Variants in MTMR8 observed in about 807,000 individuals in gnomAD.
MTMR8 encodes the protein myotubularin related protein 8, also known as phosphatidylinositol-3,5-bisphosphate 3-phosphatase MTMR8.
Under a neutral mutation model 39.3 loss-of-function variants are expected in MTMR8, and 65 were observed. The observed-to-expected ratio is 1.65, with a 90% confidence interval of 1.35 to 2.03. The LOEUF (loss-of-function observed/expected upper bound fraction) is 2.03. MTMR8 is among the 30% of genes most tolerant of loss of function. MTMR8 has a pLI of 0.00. For missense variants in MTMR8, 777 were observed against 538.9 expected (o/e 1.44, Z -4.37); for synonymous variants, 245 against 185.2 (o/e 1.32, Z -2.62).
chrX:64,357,918 T>C (rs764956736), intron 2 of MTMR8, among the ~76,000 whole-genome samples: 1 of 111,351 alleles, frequency 9.0e-6, no homozygotes, highest in Admixed American at 9.6e-5. Context: ...CTGGGAAGGG[T>C]CCAGGGAAGG....
At chrX:64,296,906 G>A (rs1378956294) in intron 12 of MTMR8, among the ~76,000 whole-genome samples, 2 of 103,184 alleles carry the variant, frequency 1.9e-5, no homozygotes, top group African/African-American at 7.1e-5. Context: ...CAAAGGACAT[G>A]AACTCATCAT....
intron 1 of MTMR8, among the ~76,000 whole-genome samples, chrX:64,364,274 G>A (rs1274890730): frequency 8.9e-6 from 1 of 112,528 alleles, no homozygotes; most frequent in Non-Finnish European, 1.9e-5. Context: ...AGAAAGGACG[G>A]AATGCATCTT....
intron 12 of MTMR8, among the ~76,000 whole-genome samples, chrX:64,290,267 A>C (rs975074732): frequency 9.0e-6 from 1 of 110,655 alleles, no homozygotes; most frequent in Non-Finnish European, 1.9e-5. Context: ...TTAAAAGTAA[A>C]TTACTAGCAG....
chrX:64,339,350 G>A (rs1458623700), intron 8 of MTMR8, among the ~76,000 whole-genome samples: 1 of 111,640 alleles, frequency 9.0e-6, no homozygotes, highest in Non-Finnish European at 1.9e-5. Context: ...GGTTCAAAGT[G>A]AAAAGGAGTG....
At chrX:64,391,131 C>T (rs934739190) in intron 1 of MTMR8, among the ~76,000 whole-genome samples, 2 of 112,436 alleles carry the variant, frequency 1.8e-5, no homozygotes, top group African/African-American at 6.5e-5. Flanking sequence ...CATTTCTAGA[C>T]TTATAAAGCT....
At chrX:64,394,546 A>T (rs1236825965) in intron 1 of MTMR8, among the ~76,000 whole-genome samples, 1 of 111,612 alleles carries the variant, frequency 9.0e-6, no homozygotes, top group Non-Finnish European at 1.9e-5. Flanking sequence ...CTAGTTGTGA[A>T]TTTTTCACTG....
At chrX:64,386,467 T>A (rs148690481) in intron 1 of MTMR8, among the ~76,000 whole-genome samples, 2 of 110,783 alleles carry the variant, frequency 1.8e-5, no homozygotes, top group Non-Finnish European at 1.9e-5. Flanking sequence ...ACTCTCAGAA[T>A]TCAGGGGGCA....
At chrX:64,367,656 C>A (rs974030903) in intron 1 of MTMR8, among the ~76,000 whole-genome samples, 6 of 111,958 alleles carry the variant, frequency 5.4e-5, no homozygotes, top group African/African-American at 1.9e-4. Context: ...CAATATCATA[C>A]TGAATGGGCA....
intron 12 of MTMR8, among the ~76,000 whole-genome samples, chrX:64,276,448 T>G (rs913929903): frequency 5.4e-5 from 6 of 111,827 alleles, no homozygotes; most frequent in Non-Finnish European, 9.4e-5. Context: ...CTCTAAACGC[T>G]GTGTCTTTGT....
intron 10 of MTMR8, among the ~76,000 whole-genome samples, chrX:64,334,025 C>T (rs778201265): frequency 1.3e-4 from 15 of 111,490 alleles, no homozygotes; most frequent in Non-Finnish European, 2.3e-4. Context: ...CTTGGCTCTT[C>T]TTCCTCTTTA....
At chrX:64,299,707 G>T (rs1284803795) in intron 12 of MTMR8, among the ~76,000 whole-genome samples, 11 of 99,285 alleles carry the variant, frequency 1.1e-4, no homozygotes, top group African/African-American at 4.1e-4. Context: ...GCTTTCTCTT[G>T]TGGGCATTTC....
At chrX:64,388,911 G>A (rs145377799) in intron 1 of MTMR8, among the ~76,000 whole-genome samples, 15 of 111,710 alleles carry the variant, frequency 1.3e-4, no homozygotes, top group African/African-American at 4.9e-4. Flanking sequence ...TATCTTGTGG[G>A]ACTAGTGTTC....
At chrX:64,269,230 T>C (rs1931701860) in intron 13 of MTMR8, among the ~76,000 whole-genome samples, 187 bp from the exon 14 acceptor site, 1 of 111,229 alleles carries the variant, frequency 9.0e-6, no homozygotes, top group African/African-American at 3.3e-5. Context: ...GCCCTACCAT[T>C]GAAGAATGTC....
intron 1 of MTMR8, among the ~76,000 whole-genome samples, chrX:64,377,036 A>T (rs1924290735): frequency 8.9e-6 from 1 of 112,269 alleles, no homozygotes; most frequent in East Asian, 2.8e-4. Context: ...CAGCTTCCAC[A>T]TGGTGTTAAG....
chrX:64,360,975 A>G (rs1923764274), intron 1 of MTMR8, among the ~76,000 whole-genome samples: 1 of 111,685 alleles, frequency 9.0e-6, no homozygotes, highest in Non-Finnish European at 1.9e-5. Context: ...ACATAGCCTG[A>G]ACAGAAAAGA....
intron 12 of MTMR8, among the ~76,000 whole-genome samples, chrX:64,302,112 C>G (rs748074041): frequency 8.8e-6 from 1 of 113,033 alleles, no homozygotes; most frequent in African/African-American, 3.2e-5. Flanking sequence ...AGCTTTCTGG[C>G]TGCTTTGTTT....
At chrX:64,314,436 T>C (rs1922403543) in intron 12 of MTMR8, among the ~76,000 whole-genome samples, 1 of 112,275 alleles carries the variant, frequency 8.9e-6, no homozygotes, top group Non-Finnish European at 1.9e-5. Flanking sequence ...GGTGTTAGCA[T>C]GGGGGTAGGG....
chrX:64,389,280 A>T (rs180801287), intron 1 of MTMR8, among the ~76,000 whole-genome samples: 67 of 111,891 alleles, frequency 6.0e-4, no homozygotes, highest in African/African-American at 2.1e-3. Context: ...TCAGTATCAG[A>T]AGTGGGGCCA....
intron 12 of MTMR8, among the ~76,000 whole-genome samples, chrX:64,288,490 C>T (rs1185829918): frequency 9.0e-6 from 1 of 111,468 alleles, no homozygotes; most frequent in Non-Finnish European, 1.9e-5. Context: ...ACTAGAAATA[C>T]CATTTGACCC....
Sources: allele counts gnomAD v4.1 joint callset (sites outside exome capture counted in the v4.1 genomes callset), GRCh38; gene constraint gnomAD v4.1.1; transcripts MANE v1.5; gene names NCBI Gene and HGNC (gene_info 2026-07-23, HGNC 2026-07-21).